The following LAMA2 variants were observed in gnomAD, a reference collection of about 807,000 sequenced individuals.
LAMA2 encodes laminin subunit alpha 2.
Under a neutral mutation model 364.8 loss-of-function variants are expected in LAMA2, and 269 were observed. The ratio of observed to expected loss-of-function variants is 0.74; its 90% CI spans 0.67 to 0.82. The LOEUF is 0.82. Ranked by LOEUF, LAMA2 falls within the 40% of genes least tolerant of loss-of-function variation. The probability of loss-of-function intolerance (pLI) is 0.00; values close to 1 mark genes in which losing one functional copy is unlikely to be tolerated. For missense variants in LAMA2, 3,807 were observed against 3,873.2 expected (o/e 0.98, Z 0.45); for synonymous variants, 1,379 against 1,370.6 (o/e 1.01, Z -0.14).
Position 129,431,630 on chromosome 6 carries a change from T to G in LAMA2, c.5968+3776T>G, listed in dbSNP as rs190415473. Among the ~76,000 whole-genome samples the G allele has an allele frequency of 6.5e-3, 917 of 141,742 alleles. 8 individuals carry two copies. Among genetic ancestry groups the G allele is most frequent in the African/African-American group, 0.025 (818 of 32,588 alleles). 93.0% of individuals were successfully genotyped at this position (141,742 alleles called of 152,430 possible). A position where few individuals can be genotyped will look rare whatever the true frequency, so the allele number is the denominator to read the frequency against. On this transcript the variant is annotated intron_variant, in intron 41 of 64. Transcript: ENST00000421865. ...GTATAACATTAGACTCTTCATAAACTTCATAACTAAACTTCATAACATAAA... is the reference window on the plus strand; with the variant it reads ...GTATAACATTAGACTCTTCATAAACGTCATAACTAAACTTCATAACATAAA...
At position 129,441,034 on chromosome 6, in the gene LAMA2, A is replaced by G. The variant is rs561677401; in HGVS notation, c.6268+36A>G. 9.6e-6 allele frequency: 15 copies of G among 1,560,708 alleles called. No homozygotes were observed. In the South Asian group the frequency reaches 1.6e-4, roughly 16 times the overall value. On this transcript the variant is annotated intron_variant, in intron 43 of 64. Coordinates refer to ENST00000421865, the MANE Select transcript of LAMA2 (RefSeq NM_000426.4). ...CTTTTTCATTGTGATGATGTCATTT[A>G]TTTCCTCTCACTGTAAAAGTATCCC...
intron 4 of LAMA2, among the ~76,000 whole-genome samples, chr6:129,135,317 A>G (rs763856141): frequency 1.3e-5 from 2 of 152,204 alleles, no homozygotes; most frequent in African/African-American, 2.4e-5. Context: ...TTCGGTCACT[A>G]CAAGTCTTCA....
intron 63 of LAMA2, among the ~76,000 whole-genome samples, chr6:129,513,832 G>A (rs542270020): frequency 2.0e-5 from 3 of 152,082 alleles, no homozygotes; most frequent in South Asian, 2.1e-4. Flanking sequence ...GACATGAAAC[G>A]GGCTCCAAAA....
intron 4 of LAMA2, among the ~76,000 whole-genome samples, chr6:129,143,032 T>A (rs923443678): frequency 1.3e-5 from 2 of 152,052 alleles, no homozygotes; most frequent in African/African-American, 4.8e-5. Context: ...GTACCTTTTA[T>A]TTTGTCACAC....
chr6:129,181,437 T>C (rs917742099), intron 10 of LAMA2, among the ~76,000 whole-genome samples: 3 of 151,698 alleles, frequency 2.0e-5, no homozygotes, highest in African/African-American at 7.3e-5. Context: ...GATTAGAAGA[T>C]TGAAGAATAA....
At chr6:129,111,301 T>C (rs1033827689) in intron 4 of LAMA2, among the ~76,000 whole-genome samples, 15 of 152,042 alleles carry the variant, frequency 9.9e-5, no homozygotes, top group African/African-American at 3.4e-4. Flanking sequence ...ACCTGGGTAG[T>C]ACATAAGACA....
intron 19 of LAMA2, among the ~76,000 whole-genome samples, chr6:129,289,772 G>A (rs536904580): frequency 2.0e-5 from 3 of 152,124 alleles, no homozygotes; most frequent in South Asian, 4.2e-4. Context: ...AAGAATGTGA[G>A]AATAAAAACA....
chr6:128,964,129 C>T (rs907691379), intron 1 of LAMA2, among the ~76,000 whole-genome samples: 2 of 151,802 alleles, frequency 1.3e-5, no homozygotes, highest in Admixed American at 1.3e-4. Flanking sequence ...GAATTGTTGT[C>T]GACTGAAATG....
intron 4 of LAMA2, among the ~76,000 whole-genome samples, chr6:129,123,725 C>T (rs191599228): frequency 6.6e-6 from 1 of 152,170 alleles, no homozygotes; most frequent in East Asian, 1.9e-4. Context: ...TTACCAGGGT[C>T]TGGGTTGGAG....
At chr6:128,982,979 A>G (rs1375780113) in intron 1 of LAMA2, among the ~76,000 whole-genome samples, 1 of 147,380 alleles carries the variant, frequency 6.8e-6, no homozygotes, top group East Asian at 1.9e-4. Flanking sequence ...TCCATGGTGT[A>G]TATGTGCCAC....
At position 128,953,057 on chromosome 6, in the gene LAMA2, T is replaced by A. The variant is rs572705714; in HGVS notation, c.112+69700T>A. 2.6e-4 allele frequency among the ~76,000 whole-genome samples: 39 copies of A among 152,188 alleles called. 1 individual carries two copies. Among genetic ancestry groups the A allele is most frequent in the Non-Finnish European group, 5.0e-4 (34 of 68,026 alleles). On this transcript the variant is annotated intron_variant, in intron 1 of 64. Transcript: ENST00000421865. ...ATACCTCCTGTTCTTAAAGTCCCTA[T>A]TAATCTCTGTTGGCCTTGCATGGGT...
intron 8 of LAMA2, among the ~76,000 whole-genome samples, chr6:129,162,094 C>G (rs1779474155): frequency 6.6e-6 from 1 of 152,210 alleles, no homozygotes; most frequent in Admixed American, 6.5e-5. Flanking sequence ...CCCACAGTGT[C>G]TGAACTAATT....
At chr6:129,046,664 T>C (rs1426683796) in intron 1 of LAMA2, among the ~76,000 whole-genome samples, 6 of 152,208 alleles carry the variant, frequency 3.9e-5, no homozygotes, top group Admixed American at 3.3e-4. Flanking sequence ...TATGTATCTG[T>C]ATCTATAGCC....
chr6:129,450,286 GTTGT>G (rs1307429887), intron 45 of LAMA2, among the ~76,000 whole-genome samples: 4 of 143,016 alleles, frequency 2.8e-5, no homozygotes, highest in African/African-American at 5.4e-5. Flanking sequence ...ATTCAATTGT[GTTGT>G]TTGTTTTGTT....
intron 1 of LAMA2, among the ~76,000 whole-genome samples, chr6:129,037,980 A>G (rs1786783116): frequency 6.6e-6 from 1 of 152,196 alleles, no homozygotes; most frequent in Non-Finnish European, 1.5e-5. Context: ...TATTTAAAAA[A>G]TTTTTGCTAG....
chr6:129,415,781 G>A (rs961536617), intron 40 of LAMA2, among the ~76,000 whole-genome samples: 2 of 152,044 alleles, frequency 1.3e-5, no homozygotes, highest in Non-Finnish European at 2.9e-5. Flanking sequence ...GGGAAGTCAA[G>A]GCTGCAGTGA....
At position 129,337,198 on chromosome 6, in the gene LAMA2, G is replaced by T. The variant is rs533385437; in HGVS notation, c.4312-5145G>T. ...CATATTAGCAATTCATGTGAAGTAA[G>T]AGTCCTTACTTGATTGCAGATTCAC... On this transcript the variant is annotated intron_variant, in intron 29 of 64. Transcript: ENST00000421865. Among the ~76,000 whole-genome samples the T allele has an allele frequency of 2.0e-5, 3 of 152,310 alleles. No individual in the cohort carries two copies. In the South Asian group the frequency reaches 6.2e-4, roughly 32 times the overall value.
At chr6:129,446,922 G>T (rs1782414842) in intron 45 of LAMA2, among the ~76,000 whole-genome samples, 1 of 152,078 alleles carries the variant, frequency 6.6e-6, no homozygotes, top group Non-Finnish European at 1.5e-5. Context: ...TGAAGATGAT[G>T]TTACATAAGA....
chr6:128,959,842 G>A (rs896440438), intron 1 of LAMA2, among the ~76,000 whole-genome samples: 8 of 151,300 alleles, frequency 5.3e-5, no homozygotes, highest in Non-Finnish European at 1.2e-4. Flanking sequence ...GCTACTTCTT[G>A]ACCCTTGAAA....
Sources: gnomAD v4.1 joint callset for allele counts (sites outside exome capture counted in the v4.1 genomes callset) on GRCh38, gnomAD v4.1.1 for gene constraint, MANE v1.5 for transcripts, NCBI Gene and HGNC (gene_info 2026-07-23, HGNC 2026-07-21) for gene names.